Variants in NT5M observed in about 807,000 individuals in gnomAD.
The protein encoded by NT5M is 5',3'-nucleotidase, mitochondrial.
Under a neutral mutation model 22.2 loss-of-function variants are expected in NT5M, and 22 were observed. The ratio of observed to expected loss-of-function variants is 0.99; its 90% CI spans 0.71 to 1.41. The LOEUF is 1.41. Ranked by LOEUF, NT5M falls within the 40% of genes most tolerant of loss-of-function variation. The pLI is 0.00. For synonymous variants in NT5M, 167 were observed against 133.0 expected (o/e 1.26, Z -1.76); for missense variants, 322 against 314.8 (o/e 1.02, Z -0.17).
At position 17,344,902 on chromosome 17, in the gene NT5M, A is replaced by G; in HGVS notation, c.538A>G (p.Ile180Val). Reference sequence around the variant, plus strand: ...CCTTCTCATAGACGACCGGCCGGACATCACAGGCAAGTGGCCTGCGACAGG... The same window carrying G: ...CCTTCTCATAGACGACCGGCCGGACGTCACAGGCAAGTGGCCTGCGACAGG... Reference protein sequence around the residue: ...ADLLIDDRPDITGAEPTPSWE... With the variant: ...ADLLIDDRPDVTGAEPTPSWE... The change falls in exon 4 of 5, where the codon ATC becomes GTC. Residue 180 changes from isoleucine to valine, a missense_variant. Physicochemically the swap from Ile to Val is conservative, Grantham distance 29. Transcript: ENST00000389022. 5 of 1,614,182 alleles carry G rather than the reference A, an allele frequency of 3.1e-6. No homozygotes were observed. The highest frequency in any genetic ancestry group is 4.2e-6 in the Non-Finnish European group (5 of 1,180,014).
intron 1 of NT5M, among the ~76,000 whole-genome samples, chr17:17,305,082 T>G (rs2048765235): frequency 6.6e-6 from 1 of 152,106 alleles, no homozygotes; most frequent in Non-Finnish European, 1.5e-5. Context: ...CGAGTGTTCA[T>G]TTATAGGCAG....
intron 2 of NT5M, among the ~76,000 whole-genome samples, chr17:17,315,101 G>A (rs1460591255): frequency 5.3e-5 from 8 of 152,042 alleles, no homozygotes; most frequent in Non-Finnish European, 7.3e-5. Context: ...ATAACTTCAT[G>A]TGCATAATCC....
chr17:17,315,488 G>A (rs1039953600), intron 2 of NT5M, among the ~76,000 whole-genome samples: 1 of 152,190 alleles, frequency 6.6e-6, no homozygotes, highest in Admixed American at 6.5e-5. Flanking sequence ...TGGGTAGAAT[G>A]GGAAGCTGGC....
chr17:17,326,440 G>A (rs1398755806), intron 3 of NT5M, among the ~76,000 whole-genome samples: 1 of 152,210 alleles, frequency 6.6e-6, no homozygotes, highest in African/African-American at 2.4e-5. Context: ...CCCAGTCACA[G>A]TAACATCAAC....
At chr17:17,317,175 G>A (rs1295552473) in intron 2 of NT5M, among the ~76,000 whole-genome samples, 5 of 150,792 alleles carry the variant, frequency 3.3e-5, no homozygotes, top group Non-Finnish European at 7.4e-5. Flanking sequence ...TCAGCCTCCC[G>A]AGTAGCTGAG....
rs573470717 is a variant in NT5M at position 17,333,854 on chromosome 17, G to A, written c.429+10609G>A. Among the ~76,000 whole-genome samples, 364 of 137,286 alleles carry A rather than the reference G, an allele frequency of 2.7e-3. 5 individuals are homozygous for A. Among genetic ancestry groups the A allele is most frequent in the Non-Finnish European group, 3.6e-3 (234 of 64,898 alleles). The allele number at this position is 137,286 out of a possible 152,430, so 90.1% of individuals were successfully genotyped here. A position where few individuals can be genotyped will look rare whatever the true frequency, so the allele number is the denominator to read the frequency against. On this transcript the variant is annotated intron_variant, in intron 3 of 4. Transcript: ENST00000389022. ...TTTGTATTTTTTTTTTTTTTTTTGA[G>A]ATGGAGTCTCACTCTGTCACCCAGT...
chr17:17,303,484 C>G lies in NT5M; in HGVS notation c.-67C>G. On this transcript the variant is annotated 5_prime_UTR_variant, in exon 1 of 5. Coordinates refer to ENST00000389022, the MANE Select transcript of NT5M (RefSeq NM_020201.4). ...GGCTTCTCCTCCGCGGCGGGAATGT[C>G]TGGCCGGCTCCGGCAGCACGGCGCG... 2.0e-6 allele frequency: 2 copies of G among 1,017,452 alleles called. No homozygotes were observed. The highest frequency in any genetic ancestry group is 2.3e-6 in the Non-Finnish European group (2 of 852,126). The allele number at this position is 1,017,452 out of a possible 1,614,324, so 63.0% of individuals were successfully genotyped here. A position where few individuals can be genotyped will look rare whatever the true frequency, so the allele number is the denominator to read the frequency against.
At chr17:17,326,822 G>A (rs576927407) in intron 3 of NT5M, among the ~76,000 whole-genome samples, 1 of 152,312 alleles carries the variant, frequency 6.6e-6, no homozygotes, top group African/African-American at 2.4e-5. Flanking sequence ...CAAACTAAAC[G>A]AAAGAGCAAA....
intron 1 of NT5M, among the ~76,000 whole-genome samples, chr17:17,306,135 T>C (rs944928839): frequency 6.6e-6 from 1 of 152,100 alleles, no homozygotes; most frequent in Non-Finnish European, 1.5e-5. Context: ...ACCTTAAAGA[T>C]CTCTGAGTCC....
Position 17,331,928 on chromosome 17 carries a change from C to T in NT5M, c.429+8683C>T, listed in dbSNP as rs562227356. ...CCCAAGTAGCTGGGACTACAGGCGC[C>T]CACCACCATGCCTGGCTAATTTTTT... On this transcript the variant is annotated intron_variant, in intron 3 of 4. Coordinates refer to ENST00000389022, the MANE Select transcript of NT5M (RefSeq NM_020201.4). Among the ~76,000 whole-genome samples, 11 of 151,400 alleles carry T rather than the reference C, an allele frequency of 7.3e-5. No homozygotes were observed. The South Asian group carries it at 2.3e-3, about 32-fold the overall frequency.
At chr17:17,312,268 A>G (rs9912109) in intron 2 of NT5M, among the ~76,000 whole-genome samples, 116,889 of 152,118 alleles carry the variant, frequency 0.77, 45,457 homozygotes, top group Non-Finnish European at 0.83. Flanking sequence ...CTTCTTCACC[A>G]TAGTACTTTT....
chr17:17,319,175 C>T (rs4985706), intron 2 of NT5M, among the ~76,000 whole-genome samples: 92,320 of 149,544 alleles, frequency 0.62, 29,788 homozygotes, highest in East Asian at 0.79. Flanking sequence ...GATTGAGCTA[C>T]TGCACTCCAG....
At chr17:17,306,775 T>C (rs1366186352) in intron 2 of NT5M, 132 bp downstream of exon 2, 4 of 664,928 alleles carry the variant, frequency 6.0e-6, no homozygotes, top group Non-Finnish European at 8.0e-6. Flanking sequence ...TGCACTTGCC[T>C]CGTCATTGCT....
In NT5M at chr17:17,347,045, G is replaced by A; in HGVS notation, c.*98G>A. On this transcript the variant is annotated 3_prime_UTR_variant, in exon 5 of 5. Coordinates refer to ENST00000389022, the MANE Select transcript of NT5M (RefSeq NM_020201.4). The stretch of plus-strand genomic sequence containing the variant: ...TATGCTGGTCTGGGAGTCCCTCCTA[G>A]ACTCCTGGGCCCCATGACCTCCTGC... 7.5e-6 allele frequency: 11 copies of A among 1,460,548 alleles called. No individual in the cohort carries two copies. Among genetic ancestry groups the A allele is most frequent in the Non-Finnish European group, 1.0e-5 (11 of 1,086,908 alleles). 90.5% of individuals were successfully genotyped at this position (1,460,548 alleles called of 1,614,324 possible). A position where few individuals can be genotyped will look rare whatever the true frequency, so the allele number is the denominator to read the frequency against.
chr17:17,346,723 G>T, intron 4 of NT5M, 82 bp from the exon 5 acceptor site: 1 of 1,561,214 alleles, frequency 6.4e-7, no homozygotes, highest in Admixed American at 1.7e-5. Context: ...CCAGATGCCT[G>T]CCTGGATACC....
intron 2 of NT5M, among the ~76,000 whole-genome samples, chr17:17,308,083 G>A (rs1228263605): frequency 6.6e-6 from 1 of 152,116 alleles, no homozygotes; most frequent in African/African-American, 2.4e-5. Flanking sequence ...GACACTTGCA[G>A]ATTGTCCAAA....
intron 3 of NT5M, among the ~76,000 whole-genome samples, chr17:17,325,992 G>A (rs1178405140): frequency 6.6e-6 from 1 of 152,164 alleles, no homozygotes; most frequent in African/African-American, 2.4e-5. Flanking sequence ...TGCAGGCTGG[G>A]CTCTCACCCT....
At chr17:17,342,347 C>T (rs1031213555) in intron 3 of NT5M, among the ~76,000 whole-genome samples, 4 of 152,136 alleles carry the variant, frequency 2.6e-5, no homozygotes, top group East Asian at 1.9e-4. Flanking sequence ...TCACCACTAT[C>T]GTGGCACATC....
chr17:17,346,863 C>A lies in NT5M; in HGVS notation c.603C>A (p.His201Gln). The A allele has an allele frequency of 6.2e-7, 1 of 1,608,720 alleles. No homozygotes were observed. Among genetic ancestry groups the A allele is most frequent in the Non-Finnish European group, 8.5e-7 (1 of 1,179,944 alleles). The change falls in exon 5 of 5, where the codon CAC becomes CAA. Residue 201 changes from histidine to glutamine, a missense_variant. Coordinates refer to ENST00000389022, the MANE Select transcript of NT5M (RefSeq NM_020201.4). ...TCTTCACCGCCTGCCACAACCAGCACCTGCAGCTGCAGCCCCCCCGCCGCA... is the reference window on the plus strand; with the variant it reads ...TCTTCACCGCCTGCCACAACCAGCAACTGCAGCTGCAGCCCCCCCGCCGCA... ...HVLFTACHNQ[H>Q]LQLQPPRRRL... is the part of the protein sequence containing the mutation.
Sources: allele counts gnomAD v4.1 joint callset (sites outside exome capture counted in the v4.1 genomes callset), GRCh38; gene constraint gnomAD v4.1.1; transcripts MANE v1.5; gene names NCBI Gene and HGNC (gene_info 2026-07-23, HGNC 2026-07-21).